FBXO34: variants seen among roughly 807,000 people sequenced by gnomAD.
The protein encoded by FBXO34 is F-box only protein 34.
In FBXO34, 12 loss-of-function variants were observed where a neutral mutation model predicts 24.5. The ratio of observed to expected loss-of-function variants is 0.49; its 90% CI spans 0.31 to 0.79. The LOEUF is 0.79. Ranked by LOEUF, FBXO34 falls within the 30% of genes least tolerant of loss-of-function variation. The pLI, the probability that FBXO34 is intolerant of heterozygous loss-of-function variation, is 0.04. For synonymous variants in FBXO34, 320 were observed against 311.9 expected (o/e 1.03, Z -0.27); for missense variants, 823 against 857.7 (o/e 0.96, Z 0.51).
the FBXO34 span, among the ~76,000 whole-genome samples, chr14:55,394,006 T>G: frequency 8.2e-6 from 1 of 122,556 alleles, no homozygotes; most frequent in Non-Finnish European, 1.9e-5. Context: ...AGTATCATAA[T>G]TTTTTTTTTT....
intron 1 of FBXO34, among the ~76,000 whole-genome samples, chr14:55,318,518 ATTTTTT>A (rs572405005): frequency 1.7e-5 from 2 of 116,340 alleles, no homozygotes; most frequent in African/African-American, 6.4e-5. Flanking sequence ...CATGACTTGT[ATTTTTT>A]TTTTGTTTTT....
At chr14:55,440,219 C>T in the FBXO34 span, among the ~76,000 whole-genome samples, 3 of 152,212 alleles carry the variant, frequency 2.0e-5, no homozygotes, top group Non-Finnish European at 4.4e-5. Context: ...CTCTGTTTGG[C>T]AACCTTGGTC....
intron 1 of FBXO34, among the ~76,000 whole-genome samples, chr14:55,300,488 G>A (rs556704901): frequency 5.9e-5 from 9 of 152,320 alleles, no homozygotes; most frequent in Middle Eastern, 3.4e-3. Context: ...CCAGCTACTC[G>A]GGAGGCTGAG....
chr14:55,323,225 A>ATTTT lies in FBXO34; in HGVS notation c.-10-27136_-10-27133dup, dbSNP rs1194283087. ...AAAAAAAAAAAAAAAAAAAATATAT[A>ATTTT]TTTTTTTTTTTTTTTTTTTTTTTAG... On this transcript the variant is annotated intron_variant, in intron 1 of 1. Coordinates refer to ENST00000313833, the MANE Select transcript of FBXO34 (RefSeq NM_017943.4). Among the ~76,000 whole-genome samples, 11 of 19,202 alleles carry ATTTT rather than the reference A, an allele frequency of 5.7e-4. No homozygotes were observed. In the African/African-American group the frequency reaches 8.0e-3, roughly 14 times the overall value. 12.6% of individuals were successfully genotyped at this position (19,202 alleles called of 152,430 possible). A position where few individuals can be genotyped will look rare whatever the true frequency, so the allele number is the denominator to read the frequency against.
chr14:55,404,812 T>C, the FBXO34 span, among the ~76,000 whole-genome samples: 4 of 152,302 alleles, frequency 2.6e-5, no homozygotes, highest in East Asian at 5.8e-4. Flanking sequence ...TATAAAAATA[T>C]AGTTCAGATC....
chr14:55,393,156 C>T, the FBXO34 span, among the ~76,000 whole-genome samples: 550 of 152,096 alleles, frequency 3.6e-3, 6 homozygotes, highest in African/African-American at 0.011. Context: ...CCAAGGTGGG[C>T]GGATCACGAG....
At position 55,350,529 on chromosome 14, in the gene FBXO34, G is replaced by A. The variant is rs746570914; in HGVS notation, c.139G>A (p.Val47Ile). The A allele has an allele frequency of 5.6e-6, 9 of 1,613,814 alleles. No homozygotes were observed. The East Asian group carries it at 1.6e-4, about 28-fold the overall frequency. ...TCKASHITSSVFPSASLGKAS... is the reference protein window; with the variant it reads ...TCKASHITSSIFPSASLGKAS... Reference sequence around the variant, plus strand: ...CAAAGCTAGCCACATAACATCAAGTGTCTTTCCTTCAGCCTCTCTCGGTAA... The same window carrying A: ...CAAAGCTAGCCACATAACATCAAGTATCTTTCCTTCAGCCTCTCTCGGTAA... Residue 47 changes from valine (V) to isoleucine (I), a missense_variant, in exon 2 of 2, where the codon GTC (valine) becomes ATC (isoleucine). By Grantham distance (29) the Val-to-Ile change is conservative. This residue lies in a region of FBXO34 where 693 missense variants were observed against 659.1 expected (regional missense o/e 1.05). Coordinates refer to ENST00000313833, the MANE Select transcript of FBXO34 (RefSeq NM_017943.4).
chr14:55,278,046 C>G (rs1169777351), intron 1 of FBXO34, among the ~76,000 whole-genome samples: 1 of 152,124 alleles, frequency 6.6e-6, no homozygotes, highest in Non-Finnish European at 1.5e-5. Context: ...GCACCGAGAA[C>G]CATGTCGTTG....
At chr14:55,369,684 C>T, downstream of FBXO34, 1 of 1,597,414 alleles carries the variant, frequency 6.3e-7, no homozygotes, top group Non-Finnish European at 8.5e-7. Context: ...GAGATCATCC[C>T]ACCTGCACTG....
chr14:55,442,600 CACA>C, the FBXO34 span, among the ~76,000 whole-genome samples: 3 of 152,104 alleles, frequency 2.0e-5, no homozygotes. Flanking sequence ...AGAATCAAAT[CACA>C]ACAAGTCTTA....
At chr14:55,331,548 G>T (rs1228231522) in intron 1 of FBXO34, among the ~76,000 whole-genome samples, 3 of 115,612 alleles carry the variant, frequency 2.6e-5, no homozygotes, top group Non-Finnish European at 3.9e-5. Context: ...ATTGAGGCGT[G>T]ATATATATAT....
downstream of FBXO34, chr14:55,369,272 C>T (rs41299199): frequency 0.06 from 10,609 of 176,670 alleles, 385 homozygotes; most frequent in South Asian, 0.09. Context: ...AGGACCAGCA[C>T]ACTGACCCAT....
chr14:55,338,048 CTTTTTTT>C (rs58194693), intron 1 of FBXO34, among the ~76,000 whole-genome samples: 1 of 88,264 alleles, frequency 1.1e-5, no homozygotes, highest in Non-Finnish European at 2.1e-5. Flanking sequence ...GTATGTACTT[CTTTTTTT>C]TTTTTTTTTT....
the FBXO34 span, chr14:55,395,353 TTTTG>T: frequency 1.0e-4 from 21 of 204,164 alleles, no homozygotes; most frequent in South Asian, 2.8e-4. Flanking sequence ...TTGTTAAATT[TTTTG>T]TTTGTTTGTT....
downstream of FBXO34, among the ~76,000 whole-genome samples, chr14:55,366,172 G>C (rs2140108989): frequency 6.6e-6 from 1 of 152,296 alleles, no homozygotes; most frequent in East Asian, 1.9e-4. Context: ...TTTAGGGAAA[G>C]TATGCAACCA....
intron 1 of FBXO34, among the ~76,000 whole-genome samples, chr14:55,279,030 C>G (rs1881439937): frequency 6.6e-6 from 1 of 151,936 alleles, no homozygotes; most frequent in South Asian, 2.1e-4. Flanking sequence ...GGCGTGGTGG[C>G]TCACGCCTGT....
chr14:55,436,605 T>C, the FBXO34 span: 2 of 1,614,206 alleles, frequency 1.2e-6, no homozygotes, highest in Non-Finnish European at 1.7e-6. Flanking sequence ...TAGGGGTCAT[T>C]GGTGTCATGG....
chr14:55,299,167 A>C, intron 1 of FBXO34: 1 of 1,058,876 alleles, frequency 9.4e-7, no homozygotes, highest in Admixed American at 1.7e-5. Context: ...AGTGGCCCCG[A>C]AACAGTCCCT....
intron 1 of FBXO34, among the ~76,000 whole-genome samples, chr14:55,297,681 GCTAA>G (rs1366478149): frequency 1.3e-5 from 2 of 152,124 alleles, no homozygotes; most frequent in East Asian, 3.8e-4. Flanking sequence ...TACATGAAAT[GCTAA>G]AATGTATATC....
Sources: allele counts gnomAD v4.1 joint callset (sites outside exome capture counted in the v4.1 genomes callset), GRCh38; gene constraint gnomAD v4.1.1; regional missense constraint gnomAD v4.1.1; transcripts MANE v1.5; gene names NCBI Gene and HGNC (gene_info 2026-07-23, HGNC 2026-07-21).